EYS: variants seen among roughly 807,000 people sequenced by gnomAD.
EYS encodes the protein EGF-like photoreceptor maintenance factor.
A neutral mutation model predicts 282.1 loss-of-function variants in EYS; 250 were observed. The observed-to-expected ratio is 0.89, with a 90% confidence interval of 0.80 to 0.98. The LOEUF (loss-of-function observed/expected upper bound fraction) is 0.98, where lower values mean the gene tolerates loss of function less well. Ranked by LOEUF, EYS falls within the 50% of genes least tolerant of loss-of-function variation. The pLI is 0.00. For missense variants in EYS, 4,016 were observed against 3,709.0 expected (o/e 1.08, Z -2.15); for synonymous variants, 1,355 against 1,282.9 (o/e 1.06, Z -1.20).
chr6:65,112,360 G>T (rs1052496581), intron 12 of EYS, among the ~76,000 whole-genome samples: 1 of 152,002 alleles, frequency 6.6e-6, no homozygotes, highest in African/African-American at 2.4e-5. Flanking sequence ...GCTAAAAAAA[G>T]AAAGTACAAT....
At chr6:65,247,845 T>C (rs535084734) in intron 12 of EYS, among the ~76,000 whole-genome samples, 1 of 152,158 alleles carries the variant, frequency 6.6e-6, no homozygotes, top group South Asian at 2.1e-4. Context: ...GGAAAGAAAA[T>C]AATTCAAAAT....
At chr6:64,089,368 C>G (rs1772273789) in intron 31 of EYS, among the ~76,000 whole-genome samples, 1 of 149,536 alleles carries the variant, frequency 6.7e-6, no homozygotes, top group Non-Finnish European at 1.5e-5. Context: ...AATTAAATCT[C>G]AAGATACATG....
chr6:64,427,874 GAATT>G (rs1186729361), intron 28 of EYS, among the ~76,000 whole-genome samples: 1 of 152,058 alleles, frequency 6.6e-6, no homozygotes, highest in Non-Finnish European at 1.5e-5. Flanking sequence ...AAAATGACTT[GAATT>G]AAGCATTAAT....
chr6:64,320,640 G>A (rs889277139), intron 29 of EYS, among the ~76,000 whole-genome samples: 1 of 150,894 alleles, frequency 6.6e-6, no homozygotes, highest in Non-Finnish European at 1.5e-5. Flanking sequence ...AGTCTTTTAC[G>A]TTGATCATAT....
chr6:64,191,166 T>C (rs1228508192), intron 31 of EYS, among the ~76,000 whole-genome samples: 2 of 152,120 alleles, frequency 1.3e-5, no homozygotes, highest in East Asian at 1.9e-4. Flanking sequence ...ACTTTCTTTA[T>C]GGTGTTAAAG....
At chr6:65,070,233 C>T (rs1053542218) in intron 12 of EYS, among the ~76,000 whole-genome samples, 1 of 151,950 alleles carries the variant, frequency 6.6e-6, no homozygotes, top group African/African-American at 2.4e-5. Flanking sequence ...CATCCAGCAG[C>T]AAAACTTCTC....
At chr6:65,480,830 A>ATTAT (rs1765581205) in intron 5 of EYS, among the ~76,000 whole-genome samples, 1 of 152,168 alleles carries the variant, frequency 6.6e-6, no homozygotes, top group Non-Finnish European at 1.5e-5. Context: ...CCTGTAGGAT[A>ATTAT]TTATATTAAG....
chr6:64,443,671 T>G (rs1775027323), intron 26 of EYS, among the ~76,000 whole-genome samples: 1 of 152,162 alleles, frequency 6.6e-6, no homozygotes, highest in East Asian at 1.9e-4. Context: ...TCTGATAGTT[T>G]TAAAAACAAG....
Position 64,757,744 on chromosome 6 carries a change from TTGTGTGTGTGTGTGTGTGTGTGTG to T in EYS, c.3443+55610_3443+55633del, listed in dbSNP as rs66825340. 2.9e-5 allele frequency among the ~76,000 whole-genome samples: 4 copies of T among 139,908 alleles called. No individual in the cohort carries two copies. In the East Asian group the frequency reaches 9.2e-4, roughly 32 times the overall value. The allele number at this position is 139,908 out of a possible 152,430, so 91.8% of individuals were successfully genotyped here. On this transcript the variant is annotated intron_variant, in intron 22 of 42. Transcript: ENST00000503581. ...AGATTAATTTTTTTTCTTTTTTTCT[TTGTGTGTGTGTGTGTGTGTGTGTG>T]TGTGTGTGTGTGTGTGTGTTTTGTT... is the stretch of plus-strand genomic sequence containing the variant.
At chr6:64,141,993 A>G (rs1410604608) in intron 31 of EYS, among the ~76,000 whole-genome samples, 1 of 152,142 alleles carries the variant, frequency 6.6e-6, no homozygotes, top group Non-Finnish European at 1.5e-5. Flanking sequence ...TGAATCAGAT[A>G]TATTCAGATT....
At chr6:65,585,922 A>C (rs901148289) in intron 2 of EYS, among the ~76,000 whole-genome samples, 4 of 152,026 alleles carry the variant, frequency 2.6e-5, no homozygotes, top group Non-Finnish European at 5.9e-5. Flanking sequence ...GGTTGTTGCA[A>C]AAGTAATTGT....
chr6:64,490,307 T>C (rs1373774592), intron 26 of EYS, among the ~76,000 whole-genome samples: 1 of 150,980 alleles, frequency 6.6e-6, no homozygotes, highest in East Asian at 1.9e-4. Flanking sequence ...CCATATGTTT[T>C]ATAAGATTTC....
intron 26 of EYS, among the ~76,000 whole-genome samples, chr6:64,572,467 G>A (rs1765757490): frequency 6.6e-6 from 1 of 151,758 alleles, no homozygotes; most frequent in Non-Finnish European, 1.5e-5. Context: ...CAAATTGTCT[G>A]TGTCAAATTT....
Position 65,295,924 on chromosome 6 carries a change from A to AT in EYS, c.1961dup (p.Asn654LysfsTer5), listed in dbSNP as rs749103801. 9 of 1,550,872 alleles carry AT rather than the reference A, an allele frequency of 5.8e-6. No individual in the cohort carries two copies. In the African/African-American group the frequency reaches 9.6e-5, roughly 17 times the overall value. On this transcript the variant is annotated frameshift_variant, in exon 12 of 43. Transcript: ENST00000503581. LOFTEE classifies it high-confidence loss of function. ...CCCTTAAATGTGTACTAGTTGTTCC[A>AT]TTTTTGCAGGACGCAGATTTGCAGT...
At position 64,241,294 on chromosome 6, in the gene EYS, G is replaced by T. The variant is rs959052719; in HGVS notation, c.6192-10470C>A. On this transcript the variant is annotated intron_variant, in intron 30 of 42. Coordinates refer to ENST00000503581, the MANE Select transcript of EYS (RefSeq NM_001142800.2). Reference sequence around the variant, plus strand: ...GGGGAGAATTCCCTCTTTTTCTATTGTTTCAAATAGTTTCAGAAGGAATGG... The same window carrying T: ...GGGGAGAATTCCCTCTTTTTCTATTTTTTCAAATAGTTTCAGAAGGAATGG... Among the ~76,000 whole-genome samples, 18 of 151,984 alleles carry T rather than the reference G, an allele frequency of 1.2e-4. 1 individual carries two copies. The highest frequency in any genetic ancestry group is 1.1e-3 in the Admixed American group (17 of 15,256).
At chr6:64,729,094 T>G (rs1185284951) in intron 22 of EYS, 1 of 152,214 alleles carries the variant, frequency 6.6e-6, no homozygotes, top group East Asian at 1.9e-4. Context: ...GGGGGAAGAG[T>G]GGGCCATAGG....
At chr6:63,834,682 C>A (rs1352795813) in intron 36 of EYS, among the ~76,000 whole-genome samples, 4 of 151,286 alleles carry the variant, frequency 2.6e-5, no homozygotes, top group Non-Finnish European at 4.4e-5. Flanking sequence ...TACCATTTGA[C>A]CCAGCCATCC....
At chr6:64,845,058 G>A (rs1765677804) in intron 19 of EYS, among the ~76,000 whole-genome samples, 1 of 152,106 alleles carries the variant, frequency 6.6e-6, no homozygotes, top group African/African-American at 2.4e-5. Flanking sequence ...GGAGGCAGAG[G>A]CGGGAGGATT....
At chr6:64,728,004 A>C (rs896467473) in intron 22 of EYS, among the ~76,000 whole-genome samples, 93 of 152,304 alleles carry the variant, frequency 6.1e-4, no homozygotes, top group African/African-American at 2.1e-3. Flanking sequence ...GGAAACTGGA[A>C]TGCATGGGCA....
Sources: gnomAD v4.1 joint callset for allele counts (sites outside exome capture counted in the v4.1 genomes callset) on GRCh38, gnomAD v4.1.1 for gene constraint, MANE v1.5 for transcripts, NCBI Gene and HGNC (gene_info 2026-07-23, HGNC 2026-07-21) for gene names.